The following XRCC1 variants were observed in gnomAD, a reference collection of about 807,000 sequenced individuals.
XRCC1 encodes DNA repair protein XRCC1.
XRCC1 carries 52 observed loss-of-function variants against 83.3 expected under a neutral mutation model. The observed-to-expected ratio is 0.62, with a 90% CI of 0.50 to 0.79. The LOEUF is 0.79. XRCC1 is among the 30% of genes least tolerant of loss of function. XRCC1 has a pLI of 0.00. For synonymous variants in XRCC1, 281 were observed against 312.6 expected (o/e 0.90, Z 1.07); for missense variants, 793 against 823.5 (o/e 0.96, Z 0.45).
intron 2 of XRCC1, among the ~76,000 whole-genome samples, chr19:43,570,857 G>A (rs988865779): frequency 2.6e-5 from 4 of 152,126 alleles, no homozygotes; most frequent in Non-Finnish European, 4.4e-5. Context: ...TATCAGTTAC[G>A]TCAAAAGAAT....
chr19:43,551,664 T>C lies in XRCC1; in HGVS notation c.1106A>G (p.Lys369Arg). The C allele has an allele frequency of 1.9e-6, 3 of 1,614,016 alleles. No individual in the cohort carries two copies. Among genetic ancestry groups the C allele is most frequent in the Non-Finnish European group, 2.5e-6 (3 of 1,180,000 alleles). Reference protein sequence around the residue: ...HLICAFANTPKYSQVLGLGGR... With the variant: ...HLICAFANTPRYSQVLGLGGR... ...TCCCAGGCCTAGGACCTGGCTGTAC[T>C]TGGGGGTGTTGGCAAAGGCACAGCT... Residue 369 changes from lysine to arginine, a missense_variant, in exon 10 of 17, where the codon AAG becomes AGG. Coordinates refer to ENST00000262887, the MANE Select transcript of XRCC1 (RefSeq NM_006297.3).
In XRCC1 at chr19:43,554,689, C is replaced by T. The variant is rs373454964; in HGVS notation, c.371G>A (p.Arg124His). Residue 124 changes from arginine to histidine, a missense_variant, in exon 4 of 17, where the codon CGC (arginine) becomes CAC (histidine). Transcript: ENST00000262887. ...GCAAACAATTTTGACCCGGTCCCAG[C>T]GCTTCTCGGCGGCTGCCCGGACCAG... ...DKLVRAAAEK[R>H]WDRVKIVCSQ... The T allele has an allele frequency of 7.4e-6, 12 of 1,613,922 alleles. No homozygotes were observed. Among genetic ancestry groups the T allele is most frequent in the South Asian group, 5.5e-5 (5 of 91,074 alleles).
chr19:43,543,374 GTGTGTA>G lies in XRCC1; in HGVS notation c.*12_*17del, dbSNP rs774131762. On this transcript the variant is annotated 3_prime_UTR_variant, in exon 17 of 17. Transcript: ENST00000262887. ...TGTGTGTGTGTGTGTGTGTGTGTGT[GTGTGTA>G]TAGCACATACTTCAGGCTTGCGGCA... The G allele has an allele frequency of 3.4e-5, 50 of 1,459,244 alleles. No individual in the cohort carries two copies. The highest frequency in any genetic ancestry group is 4.3e-5 in the Non-Finnish European group (45 of 1,048,130). 90.4% of individuals were successfully genotyped at this position (1,459,244 alleles called of 1,614,324 possible).
Position 43,553,671 on chromosome 19 carries a change from C to A in XRCC1, c.427G>T (p.Gly143Cys). 2.0e-6 allele frequency: 3 copies of A among 1,531,656 alleles called. No individual in the cohort carries two copies. Among genetic ancestry groups the A allele is most frequent in the Admixed American group, 1.9e-5 (1 of 51,308 alleles). The allele number at this position is 1,531,656 out of a possible 1,614,324, so 94.9% of individuals were successfully genotyped here. Reference protein sequence around the residue: ...SQPYSKDSPFGLSFVRFHSPP... With the variant: ...SQPYSKDSPFCLSFVRFHSPP... The stretch of plus-strand genomic sequence containing the variant: ...CTATGAAACCGTACAAAACTCAAGC[C>A]AAAGGGGGAGTCCTGGGAAAGGAGG... The change falls in exon 5 of 17, where the codon GGC becomes TGC. Residue 143 changes from glycine to cysteine, a missense_variant. Coordinates refer to ENST00000262887, the MANE Select transcript of XRCC1 (RefSeq NM_006297.3).
chr19:43,545,534 C>A (rs1461798166), intron 14 of XRCC1, among the ~76,000 whole-genome samples: 1 of 152,110 alleles, frequency 6.6e-6, no homozygotes, highest in African/African-American at 2.4e-5. Context: ...GGGCCCTCAC[C>A]CCTGACGTGA....
chr19:43,574,881 G>A lies in XRCC1; in HGVS notation c.144+29C>T, dbSNP rs1972838841. 2.5e-6 allele frequency: 4 copies of A among 1,584,544 alleles called. 1 individual carries two copies. In the East Asian group the frequency reaches 8.9e-5, roughly 35 times the overall value. Reference sequence around the variant, plus strand: ...TGGAACCCCGGACTCCAGACTCCTAGTGAGGAGGAGGTGGGGTGGCAGGAT... The same window carrying A: ...TGGAACCCCGGACTCCAGACTCCTAATGAGGAGGAGGTGGGGTGGCAGGAT... On this transcript the variant is annotated intron_variant, in intron 2 of 16. Coordinates refer to ENST00000262887, the MANE Select transcript of XRCC1 (RefSeq NM_006297.3).
intron 2 of XRCC1, among the ~76,000 whole-genome samples, chr19:43,568,429 G>A (rs945692103): frequency 2.0e-5 from 3 of 151,992 alleles, no homozygotes; most frequent in Admixed American, 2.0e-4. Flanking sequence ...GCTGGGAGGG[G>A]GAGGTTGCAG....
At chr19:43,549,870 T>TCCAA (rs1197922197) in intron 10 of XRCC1, among the ~76,000 whole-genome samples, 1 of 152,166 alleles carries the variant, frequency 6.6e-6, no homozygotes, top group African/African-American at 2.4e-5. Flanking sequence ...CAGTTGCAAA[T>TCCAA]CCAACACTGT....
At chr19:43,544,073 C>T in intron 15 of XRCC1, 71 bp downstream of exon 15, 1 of 1,408,500 alleles carries the variant, frequency 7.1e-7, no homozygotes, top group South Asian at 1.3e-5. Context: ...CACCCCCACC[C>T]CTCCCAGCAG....
At chr19:43,548,185 G>A (rs564680743) in intron 10 of XRCC1, among the ~76,000 whole-genome samples, 71 of 151,358 alleles carry the variant, frequency 4.7e-4, no homozygotes, top group African/African-American at 1.5e-3. Flanking sequence ...CCGCCGCCCC[G>A]TCCGGGAGGT....
At chr19:43,562,290 A>G (rs1972707464) in intron 2 of XRCC1, among the ~76,000 whole-genome samples, 1 of 152,162 alleles carries the variant, frequency 6.6e-6, no homozygotes, top group South Asian at 2.1e-4. Context: ...ATCAACAGGA[A>G]CACCACTGTA....
At chr19:43,575,300 C>T (rs1972845399) in intron 1 of XRCC1, 108 bp downstream of exon 1, 1 of 1,237,084 alleles carries the variant, frequency 8.1e-7, no homozygotes, top group Non-Finnish European at 1.1e-6. Context: ...TCCTGGAAAT[C>T]CCCCCATGAC....
chr19:43,575,313 T>C (rs1285037108), intron 1 of XRCC1, 95 bp downstream of exon 1: 2 of 1,336,062 alleles, frequency 1.5e-6, no homozygotes, highest in Admixed American at 5.1e-5. Context: ...CCCATGACTC[T>C]CCTTAGACTT....
intron 10 of XRCC1, among the ~76,000 whole-genome samples, chr19:43,548,564 C>T (rs1451246393): frequency 6.6e-6 from 1 of 152,110 alleles, no homozygotes; most frequent in Non-Finnish European, 1.5e-5. Flanking sequence ...TAAACAGATG[C>T]TTGAAGGCAG....
intron 14 of XRCC1, among the ~76,000 whole-genome samples, chr19:43,544,537 C>CACT (rs1178627830): frequency 6.6e-6 from 1 of 151,802 alleles, no homozygotes; most frequent in East Asian, 1.9e-4. Flanking sequence ...GACAAGGACT[C>CACT]ACTCTGTCGC....
In XRCC1 at chr19:43,552,065, A is replaced by G. The variant is rs953396860; in HGVS notation, c.1034T>C (p.Leu345Pro). 3.7e-6 allele frequency: 6 copies of G among 1,614,086 alleles called. No individual in the cohort carries two copies. Among genetic ancestry groups the G allele is most frequent in the South Asian group, 1.1e-5 (1 of 91,078 alleles). The change falls in exon 9 of 17, where the codon CTT becomes CCT. Residue 345 changes from leucine (L) to proline (P), a missense_variant. By Grantham distance (98) the Leu-to-Pro change is moderately conservative. Transcript: ENST00000262887. Reference protein sequence around the residue: ...RSELRDKALELGAKYRPDWTR... With the variant: ...RSELRDKALEPGAKYRPDWTR... ...CCAGTCTGGCCGATACTTGGCCCCA[A>G]GCTCTAGGGCCTTATCTCGCAGCTC...
Position 43,554,685 on chromosome 19 carries a change from C to G in XRCC1, c.375G>C (p.Trp125Cys). 1 of 1,613,920 alleles carries G rather than the reference C, an allele frequency of 6.2e-7. No individual in the cohort carries two copies. Among genetic ancestry groups the G allele is most frequent in the East Asian group, 2.2e-5 (1 of 44,866 alleles). The change falls in exon 4 of 17, where the codon TGG becomes TGC. Residue 125 changes from tryptophan (W) to cysteine (C), a missense_variant. Trp to Cys is a radical substitution (Grantham distance 215). Transcript: ENST00000262887. ...KLVRAAAEKR[W>C]DRVKIVCSQP... Reference sequence around the variant, plus strand: ...GGCTGCAAACAATTTTGACCCGGTCCCAGCGCTTCTCGGCGGCTGCCCGGA... The same window carrying G: ...GGCTGCAAACAATTTTGACCCGGTCGCAGCGCTTCTCGGCGGCTGCCCGGA...
intron 10 of XRCC1, among the ~76,000 whole-genome samples, chr19:43,547,357 T>C (rs1438309940): frequency 6.6e-6 from 1 of 150,638 alleles, no homozygotes; most frequent in Non-Finnish European, 1.5e-5. Flanking sequence ...CGCCAACTTT[T>C]TGTATTTTAG....
At chr19:43,543,532 G>A (rs184215643) in intron 16 of XRCC1, 27 bp from the exon 17 acceptor site, 1 of 1,613,514 alleles carries the variant, frequency 6.2e-7, no homozygotes, top group East Asian at 2.2e-5. Flanking sequence ...AGTCCATACG[G>A]GAATGTGTCA....
Sources: gnomAD v4.1 joint callset for allele counts (sites outside exome capture counted in the v4.1 genomes callset) on GRCh38, gnomAD v4.1.1 for gene constraint, MANE v1.5 for transcripts, NCBI Gene and HGNC (gene_info 2026-07-23, HGNC 2026-07-21) for gene names.